SORCS1: variants seen among roughly 807,000 people sequenced by gnomAD.
SORCS1 encodes VPS10 domain-containing receptor SorCS1.
In SORCS1, 60 loss-of-function variants were observed where a neutral mutation model predicts 146.1. The ratio of observed to expected loss-of-function variants is 0.41; its 90% CI spans 0.33 to 0.51. The LOEUF is 0.51. SORCS1 is among the 20% of genes least tolerant of loss of function. The pLI, the probability that SORCS1 is intolerant of heterozygous loss-of-function variation, is 0.21. For missense variants in SORCS1, 1,352 were observed against 1,487.6 expected (o/e 0.91, Z 1.50); for synonymous variants, 637 against 584.0 (o/e 1.09, Z -1.31).
intron 1 of SORCS1, among the ~76,000 whole-genome samples, chr10:107,085,857 GA>G (rs1401956167): frequency 2.0e-5 from 3 of 152,178 alleles, no homozygotes; most frequent in African/African-American, 4.8e-5. Flanking sequence ...CTGCATTGAA[GA>G]CACTAGCTCT....
intron 2 of SORCS1, among the ~76,000 whole-genome samples, chr10:106,863,278 C>A (rs1432089080): frequency 6.6e-6 from 1 of 151,794 alleles, no homozygotes; most frequent in Non-Finnish European, 1.5e-5. Flanking sequence ...AATCCCAGCA[C>A]TTTGGGATGC....
intron 18 of SORCS1, among the ~76,000 whole-genome samples, chr10:106,639,969 G>C (rs1022415648): frequency 6.6e-6 from 1 of 151,712 alleles, no homozygotes; most frequent in Non-Finnish European, 1.5e-5. Flanking sequence ...AGTGAGCCAA[G>C]ATCACGCCAA....
At chr10:106,896,150 C>G (rs778661825) in intron 2 of SORCS1, among the ~76,000 whole-genome samples, 3 of 151,996 alleles carry the variant, frequency 2.0e-5, no homozygotes, top group Non-Finnish European at 4.4e-5. Flanking sequence ...AAGTAGAGGC[C>G]GGGTGCAGTG....
intron 2 of SORCS1, among the ~76,000 whole-genome samples, chr10:106,849,247 T>G (rs1328517203): frequency 2.6e-5 from 4 of 151,106 alleles, no homozygotes; most frequent in Non-Finnish European, 5.9e-5. Flanking sequence ...TTTGGTCTTT[T>G]CACATAGTCC....
Position 107,056,804 on chromosome 10 carries a change from C to T in SORCS1, c.559-100224G>A, listed in dbSNP as rs373965825. Among the ~76,000 whole-genome samples the T allele has an allele frequency of 5.2e-4, 79 of 152,326 alleles. 1 individual carries two copies. Among genetic ancestry groups the T allele is most frequent in the African/African-American group, 1.8e-3 (76 of 41,576 alleles). Reference sequence around the variant, plus strand: ...AGTCAGAGTTCTGTGTCTAACTTTACTATAATTTTACAGTAAATAACCCTA... The same window carrying T: ...AGTCAGAGTTCTGTGTCTAACTTTATTATAATTTTACAGTAAATAACCCTA... On this transcript the variant is annotated intron_variant, in intron 1 of 25. Coordinates refer to ENST00000263054, the MANE Select transcript of SORCS1 (RefSeq NM_052918.5).
chr10:106,710,379 C>T (rs1488658522), intron 6 of SORCS1, among the ~76,000 whole-genome samples: 2 of 136,344 alleles, frequency 1.5e-5, no homozygotes, highest in Non-Finnish European at 3.1e-5. Context: ...CCCAGCGGGG[C>T]GGAGGTTGCA....
intron 8 of SORCS1, among the ~76,000 whole-genome samples, chr10:106,702,801 T>C (rs1564876412): frequency 6.6e-6 from 1 of 152,340 alleles, no homozygotes; most frequent in East Asian, 1.9e-4. Flanking sequence ...TTATGTTGAA[T>C]GCTTTAACCG....
At chr10:106,898,284 T>C (rs1951563737) in intron 2 of SORCS1, among the ~76,000 whole-genome samples, 1 of 152,212 alleles carries the variant, frequency 6.6e-6, no homozygotes, top group African/African-American at 2.4e-5. Context: ...AATGATGTCC[T>C]AAAAACATCT....
intron 2 of SORCS1, among the ~76,000 whole-genome samples, chr10:106,924,533 G>A (rs1206020319): frequency 6.6e-6 from 1 of 151,780 alleles, no homozygotes; most frequent in Non-Finnish European, 1.5e-5. Context: ...TTGGGCAGGA[G>A]CTACTCCAAA....
At position 106,828,451 on chromosome 10, in the gene SORCS1, A is replaced by AT. The variant is rs1409845526; in HGVS notation, c.726+1122dup. On this transcript the variant is annotated intron_variant, in intron 3 of 25. Coordinates refer to ENST00000263054, the MANE Select transcript of SORCS1 (RefSeq NM_052918.5). ...GGACCACTTTTGACAAGCAGCCAGA[A>AT]TTGAGAGTGATTGCTTAAGAGATAT... Among the ~76,000 whole-genome samples the AT allele has an allele frequency of 2.0e-5, 3 of 152,292 alleles. No individual in the cohort carries two copies. In the East Asian group the frequency reaches 5.8e-4, roughly 29 times the overall value.
intron 1 of SORCS1, among the ~76,000 whole-genome samples, chr10:107,059,691 G>A (rs1451291756): frequency 6.6e-6 from 1 of 152,090 alleles, no homozygotes; most frequent in African/African-American, 2.4e-5. Flanking sequence ...CTTTGACTAT[G>A]AGCTTTATTA....
intron 17 of SORCS1, chr10:106,667,242 A>G (rs895698519): frequency 1.3e-5 from 2 of 157,782 alleles, no homozygotes; most frequent in African/African-American, 4.8e-5. Context: ...AGCAAAATAC[A>G]TTCGTATTAA....
chr10:106,867,512 TG>T (rs1485630355), intron 2 of SORCS1, among the ~76,000 whole-genome samples: 1 of 152,026 alleles, frequency 6.6e-6, no homozygotes, highest in Non-Finnish European at 1.5e-5. Context: ...CTCAATCTCC[TG>T]ACCTCGTGAT....
chr10:106,921,999 G>A (rs1952734837), intron 2 of SORCS1, among the ~76,000 whole-genome samples: 1 of 152,148 alleles, frequency 6.6e-6, no homozygotes, highest in African/African-American at 2.4e-5. Context: ...CTGATCTGCT[G>A]AACTTCTGAA....
chr10:106,986,354 C>T (rs2139410008), intron 1 of SORCS1, among the ~76,000 whole-genome samples: 1 of 152,140 alleles, frequency 6.6e-6, no homozygotes, highest in South Asian at 2.1e-4. Flanking sequence ...ATTTAAGAAG[C>T]TCAACAGCTC....
chr10:107,041,252 A>T (rs1400582274), intron 1 of SORCS1, among the ~76,000 whole-genome samples: 1 of 152,134 alleles, frequency 6.6e-6, no homozygotes, highest in African/African-American at 2.4e-5. Context: ...CCAGGAGAGC[A>T]CATTGGAAAC....
At position 106,719,383 on chromosome 10, in the gene SORCS1, CAT is replaced by C. The variant is rs543305595; in HGVS notation, c.1025-10044_1025-10043del. 3.3e-5 allele frequency among the ~76,000 whole-genome samples: 5 copies of C among 151,146 alleles called. No homozygotes were observed. The South Asian group carries it at 6.3e-4, about 19-fold the overall frequency. ...GAACAGAGAGACACTGCCTCTAAGA[CAT>C]GTGGATATATTCAATGAACAGTTTC... On this transcript the variant is annotated intron_variant, in intron 6 of 25. Transcript: ENST00000263054.
chr10:107,093,536 G>T (rs899732461), intron 1 of SORCS1, among the ~76,000 whole-genome samples: 1 of 152,110 alleles, frequency 6.6e-6, no homozygotes, highest in African/African-American at 2.4e-5. Flanking sequence ...AGTTGGGTAT[G>T]GTGGTGTGTG....
intron 23 of SORCS1, among the ~76,000 whole-genome samples, chr10:106,603,031 T>TC (rs36113746): frequency 6.6e-6 from 1 of 152,208 alleles, no homozygotes; most frequent in Non-Finnish European, 1.5e-5. Flanking sequence ...GACATTTTTT[T>TC]CACATCTTTT....
Sources: gnomAD v4.1 joint callset for allele counts (sites outside exome capture counted in the v4.1 genomes callset) on GRCh38, gnomAD v4.1.1 for gene constraint, MANE v1.5 for transcripts, NCBI Gene and HGNC (gene_info 2026-07-23, HGNC 2026-07-21) for gene names.